The following SMC5 variants were observed in gnomAD, a reference collection of about 807,000 sequenced individuals.
The protein encoded by SMC5 is structural maintenance of chromosomes 5, also known as structural maintenance of chromosomes protein 5.
A neutral mutation model predicts 148.3 loss-of-function variants in SMC5; 88 were observed. The observed-to-expected ratio is 0.59, with a 90% CI of 0.50 to 0.71. SMC5 has a LOEUF of 0.71. Among genes scored for constraint, SMC5 ranks in the 30% least tolerant of loss-of-function variants. The pLI, the probability that SMC5 is intolerant of heterozygous loss-of-function variation, is 0.00. For missense variants in SMC5, 1,142 were observed against 1,298.9 expected, an observed-to-expected ratio of 0.88 and a Z score of 1.86; for synonymous variants, 421 against 432.8, an observed-to-expected ratio of 0.97 and a Z score of 0.34.
chr9:70,342,878 A>G (rs1200707157), intron 17 of SMC5, among the ~76,000 whole-genome samples: 1 of 152,184 alleles, frequency 6.6e-6, no homozygotes, highest in African/African-American at 2.4e-5. Flanking sequence ...TGAGGCTCAT[A>G]TGCCTTAAAA....
At chr9:70,306,713 A>G (rs1384957419) in intron 11 of SMC5, among the ~76,000 whole-genome samples, 1 of 152,238 alleles carries the variant, frequency 6.6e-6, no homozygotes, top group East Asian at 1.9e-4. Flanking sequence ...TTTAAACCAT[A>G]TATTGATGAT....
At chr9:70,328,064 C>T (rs1035821684) in intron 17 of SMC5, among the ~76,000 whole-genome samples, 4 of 152,084 alleles carry the variant, frequency 2.6e-5, no homozygotes, top group Admixed American at 6.5e-5. Flanking sequence ...AAGGGGAATC[C>T]GCCCCCATTA....
intron 3 of SMC5, among the ~76,000 whole-genome samples, chr9:70,269,165 A>C (rs2034376326): frequency 6.6e-6 from 1 of 152,232 alleles, no homozygotes; most frequent in South Asian, 2.1e-4. Flanking sequence ...AAGTAAAAAG[A>C]AAATAAATTT....
intron 8 of SMC5, among the ~76,000 whole-genome samples, chr9:70,294,529 A>G (rs2035145956): frequency 6.6e-6 from 1 of 152,224 alleles, no homozygotes; most frequent in Admixed American, 6.5e-5. Flanking sequence ...GATTAAGGAA[A>G]GAAATGTAAA....
chr9:70,318,639 T>G lies in SMC5; in HGVS notation c.1932T>G (p.Thr644=), dbSNP rs753199808. Residue 644 remains threonine (T), a synonymous_variant, in exon 14 of 25, where the codon ACT becomes ACG. Transcript: ENST00000361138. ...CTCTAAAAGTAGCGCAGTTTCTCAC[T>G]GTCACTGTGGACCTAGAGCAGAGAA... is the stretch of plus-strand genomic sequence containing the variant. ...NTSLKVAQFL[T]VTVDLEQRRH... 1.2e-5 allele frequency: 19 copies of G among 1,612,248 alleles called. No individual in the cohort carries two copies. The highest frequency in any genetic ancestry group is 1.7e-5 in the Admixed American group (1 of 59,892).
chr9:70,348,213 TG>T (rs1031324566), intron 22 of SMC5, among the ~76,000 whole-genome samples, 175 bp downstream of exon 22: 56 of 151,680 alleles, frequency 3.7e-4, no homozygotes, highest in South Asian at 1.3e-3. Context: ...TCACTTTTTT[TG>T]GGGGGGGTTA....
intron 2 of SMC5, among the ~76,000 whole-genome samples, chr9:70,265,621 T>C (rs890957364): frequency 6.6e-6 from 1 of 152,098 alleles, no homozygotes; most frequent in Non-Finnish European, 1.5e-5. Flanking sequence ...TTGTTTTTAA[T>C]AAGCATATCT....
At position 70,298,235 on chromosome 9, in the gene SMC5, A is replaced by G. The variant is rs2035259728; in HGVS notation, c.1309+14A>G. ...AGGAGAAAAAGAGTAAGTTTCATAA[A>G]GTTAGAATGAAATGTTTATAAAATG... On this transcript the variant is annotated intron_variant, in intron 9 of 24. Coordinates refer to ENST00000361138, the MANE Select transcript of SMC5 (RefSeq NM_015110.4). 2 of 1,600,444 alleles carry G rather than the reference A, an allele frequency of 1.2e-6. No individual in the cohort carries two copies. Among genetic ancestry groups the G allele is most frequent in the Non-Finnish European group, 1.7e-6 (2 of 1,174,842 alleles).
intron 13 of SMC5, among the ~76,000 whole-genome samples, chr9:70,317,572 A>G (rs1477759726): frequency 6.6e-6 from 1 of 152,142 alleles, no homozygotes; most frequent in Non-Finnish European, 1.5e-5. Flanking sequence ...CACTTAGACT[A>G]TAAACTTCTG....
intron 3 of SMC5, among the ~76,000 whole-genome samples, chr9:70,271,994 T>C (rs1473378581): frequency 1.3e-5 from 2 of 152,254 alleles, no homozygotes; most frequent in African/African-American, 4.8e-5. Context: ...TGATGTGATG[T>C]AACTTAAAAA....
intron 17 of SMC5, among the ~76,000 whole-genome samples, chr9:70,324,886 TG>T (rs1394505123): frequency 6.6e-6 from 1 of 152,214 alleles, no homozygotes; most frequent in Non-Finnish European, 1.5e-5. Flanking sequence ...ACCAACATTT[TG>T]GAGGTTCCTA....
chr9:70,327,013 T>C (rs1045738266), intron 17 of SMC5, among the ~76,000 whole-genome samples: 6 of 152,142 alleles, frequency 3.9e-5, no homozygotes, highest in African/African-American at 1.2e-4. Context: ...GATTCAGATA[T>C]AAAAGAAGAT....
intron 22 of SMC5, among the ~76,000 whole-genome samples, chr9:70,349,257 G>T (rs1564075804): frequency 6.6e-6 from 1 of 152,008 alleles, no homozygotes; most frequent in Non-Finnish European, 1.5e-5. Context: ...AGTAGAGATG[G>T]GATTTCCCCA....
chr9:70,278,390 TA>T, intron 4 of SMC5, 100 bp from the exon 5 acceptor site: 1 of 1,074,606 alleles, frequency 9.3e-7, no homozygotes, highest in Non-Finnish European at 1.3e-6. Context: ...ATGTTTTTTT[TA>T]ATGAGTTTCA....
intron 8 of SMC5, among the ~76,000 whole-genome samples, chr9:70,293,522 G>A (rs1172304821): frequency 1.3e-5 from 2 of 151,846 alleles, no homozygotes; most frequent in Admixed American, 6.6e-5. Flanking sequence ...GGTTCTTGAG[G>A]TGGAAGCATA....
At chr9:70,269,929 T>G (rs976495721) in intron 3 of SMC5, among the ~76,000 whole-genome samples, 2 of 152,324 alleles carry the variant, frequency 1.3e-5, no homozygotes, top group South Asian at 2.1e-4. Context: ...TTTTAAGAGA[T>G]AGGAAAAACC....
chr9:70,285,493 G>C (rs1165948868), intron 7 of SMC5, among the ~76,000 whole-genome samples: 2 of 152,336 alleles, frequency 1.3e-5, no homozygotes, highest in African/African-American at 2.4e-5. Context: ...AAGGAAAGCA[G>C]ATGTTCTGCA....
chr9:70,302,751 T>A (rs1347766824), intron 10 of SMC5, among the ~76,000 whole-genome samples: 2 of 152,180 alleles, frequency 1.3e-5, no homozygotes, highest in African/African-American at 4.8e-5. Flanking sequence ...GAATGTGTAT[T>A]ACACTTGGGA....
intron 19 of SMC5, 83 bp from the exon 20 acceptor site, chr9:70,346,983 T>TA: frequency 1.0e-6 from 1 of 989,084 alleles, no homozygotes; most frequent in Non-Finnish European, 1.5e-6. Flanking sequence ...ATAGATAACT[T>TA]ATTCAGCAGA....
Sources: allele counts gnomAD v4.1 joint callset (sites outside exome capture counted in the v4.1 genomes callset), GRCh38; gene constraint gnomAD v4.1.1; transcripts MANE v1.5; gene names NCBI Gene and HGNC (gene_info 2026-07-23, HGNC 2026-07-21).